The following DCLK1 variants were observed in gnomAD, a reference collection of about 807,000 sequenced individuals.
DCLK1 encodes the protein doublecortin like kinase 1, also known as serine/threonine-protein kinase DCLK1.
In DCLK1, 16 loss-of-function variants were observed where a neutral mutation model predicts 86.2. The ratio of observed to expected loss-of-function variants is 0.19; its 90% CI spans 0.13 to 0.28. The LOEUF (loss-of-function observed/expected upper bound fraction) is 0.28, where lower values mean the gene tolerates loss of function less well. Ranked by LOEUF, DCLK1 falls within the 10% of genes least tolerant of loss-of-function variation. The probability of loss-of-function intolerance (pLI) is 1.00; values close to 1 mark genes in which losing one functional copy is unlikely to be tolerated. For missense variants in DCLK1, 590 were observed against 940.2 expected (o/e 0.63, Z 4.87); for synonymous variants, 369 against 370.5 (o/e 1.00, Z 0.05).
intron 6 of DCLK1, chr13:35,849,160 T>C (rs1870425553): frequency 9.1e-6 from 9 of 985,354 alleles, no homozygotes; most frequent in Non-Finnish European, 1.1e-5. Context: ...TTTTTTCTTC[T>C]TCCTCTTCTT....
intron 3 of DCLK1, among the ~76,000 whole-genome samples, chr13:35,960,545 A>G (rs1274706185): frequency 6.6e-6 from 1 of 152,096 alleles, no homozygotes; most frequent in African/African-American, 2.4e-5. Flanking sequence ...GACTGCCTCA[A>G]CCTCCTGGGC....
chr13:36,090,155 A>T (rs1394068201), intron 3 of DCLK1, among the ~76,000 whole-genome samples: 3 of 152,242 alleles, frequency 2.0e-5, no homozygotes, highest in Non-Finnish European at 2.9e-5. Context: ...AAGGAAAGTT[A>T]TTTGACATTT....
intron 4 of DCLK1, among the ~76,000 whole-genome samples, chr13:35,899,444 A>G (rs1874217533): frequency 6.6e-6 from 1 of 151,932 alleles, no homozygotes; most frequent in Non-Finnish European, 1.5e-5. Flanking sequence ...AAGGGAGGCT[A>G]TCAGCCATGA....
At chr13:36,070,409 G>A (rs1566668620) in intron 3 of DCLK1, among the ~76,000 whole-genome samples, 1 of 152,142 alleles carries the variant, frequency 6.6e-6, no homozygotes, top group Non-Finnish European at 1.5e-5. Context: ...TGTAAAGGGT[G>A]ACCAAGAGGA....
At chr13:36,095,139 G>A (rs1050439679) in intron 3 of DCLK1, among the ~76,000 whole-genome samples, 1 of 150,566 alleles carries the variant, frequency 6.6e-6, no homozygotes, top group Non-Finnish European at 1.5e-5. Context: ...GTGGCAGAAT[G>A]TATCCTCTGA....
intron 4 of DCLK1, among the ~76,000 whole-genome samples, chr13:35,933,083 T>C (rs140058144): frequency 6.6e-6 from 1 of 152,346 alleles, no homozygotes; most frequent in East Asian, 1.9e-4. Flanking sequence ...CAAGAGGGCC[T>C]ATGCAAGTCC....
At chr13:35,807,835 G>C (rs891009935) in intron 14 of DCLK1, among the ~76,000 whole-genome samples, 6 of 152,182 alleles carry the variant, frequency 3.9e-5, no homozygotes. Flanking sequence ...GATGCAATTG[G>C]AACCAGGATG....
At chr13:36,074,551 T>C (rs1273169207) in intron 3 of DCLK1, among the ~76,000 whole-genome samples, 1 of 143,116 alleles carries the variant, frequency 7.0e-6, no homozygotes, top group Admixed American at 7.2e-5. Flanking sequence ...TGGGATCTTA[T>C]TATTGCAGAA....
chr13:35,965,795 A>G (rs1878704861), intron 3 of DCLK1, among the ~76,000 whole-genome samples: 2 of 152,010 alleles, frequency 1.3e-5, no homozygotes, highest in African/African-American at 4.8e-5. Flanking sequence ...TCTCTCTCTC[A>G]GCCGTTTTGT....
intron 6 of DCLK1, chr13:35,850,857 G>A: frequency 8.3e-7 from 1 of 1,209,302 alleles, no homozygotes; most frequent in Non-Finnish European, 1.1e-6. Context: ...AGCACTGAAT[G>A]GGCATCCCCA....
At chr13:35,953,677 T>G (rs1444957203) in intron 3 of DCLK1, among the ~76,000 whole-genome samples, 1 of 152,148 alleles carries the variant, frequency 6.6e-6, no homozygotes, top group Non-Finnish European at 1.5e-5. Flanking sequence ...AGGGCAGAGA[T>G]TCAAACAAAG....
intron 11 of DCLK1, among the ~76,000 whole-genome samples, chr13:35,812,297 G>T (rs775429331): frequency 6.8e-6 from 1 of 148,068 alleles, no homozygotes; most frequent in Non-Finnish European, 1.5e-5. Flanking sequence ...ACAGTAAAAG[G>T]CTAGTAATTC....
In DCLK1 at chr13:35,897,310, T is replaced by C. The variant is rs79702251; in HGVS notation, c.824-25970A>G. Among the ~76,000 whole-genome samples the C allele has an allele frequency of 1.1e-4, 16 of 152,132 alleles. No homozygotes were observed. In the East Asian group the frequency reaches 2.3e-3, roughly 22 times the overall value. On this transcript the variant is annotated intron_variant, in intron 4 of 16. Coordinates refer to ENST00000360631, the MANE Select transcript of DCLK1 (RefSeq NM_001330071.2). ...GAGGATGGAGCTGAGGAGTGCAAGG[T>C]TGCAGGCAAGGAAACCAGACAGGGG...
At chr13:35,896,213 C>G (rs904027026) in intron 4 of DCLK1, among the ~76,000 whole-genome samples, 1 of 152,006 alleles carries the variant, frequency 6.6e-6, no homozygotes, top group African/African-American at 2.4e-5. Flanking sequence ...TATAGAACAA[C>G]AAAGAAAAGT....
chr13:35,867,249 A>G (rs1296039920), intron 5 of DCLK1, among the ~76,000 whole-genome samples: 1 of 152,236 alleles, frequency 6.6e-6, no homozygotes, highest in Non-Finnish European at 1.5e-5. Context: ...TATCTCTTCC[A>G]GGTCAAAATG....
At chr13:36,021,697 C>G (rs75137220) in intron 3 of DCLK1, among the ~76,000 whole-genome samples, 1 of 151,872 alleles carries the variant, frequency 6.6e-6, no homozygotes, top group African/African-American at 2.4e-5. Flanking sequence ...CAAGAAGATA[C>G]GGTAATTAAG....
chr13:36,030,484 T>G (rs1882227040), intron 3 of DCLK1, among the ~76,000 whole-genome samples: 1 of 146,244 alleles, frequency 6.8e-6, no homozygotes, highest in African/African-American at 2.5e-5. Context: ...TTTTTTTTTT[T>G]TTAGTAGAGA....
At chr13:35,870,168 G>A (rs1184692610) in intron 5 of DCLK1, among the ~76,000 whole-genome samples, 1 of 152,346 alleles carries the variant, frequency 6.6e-6, no homozygotes, top group East Asian at 1.9e-4. Context: ...TGCAGGCCAT[G>A]CTGTGGGAAG....
At chr13:36,067,722 A>C (rs187970064) in intron 3 of DCLK1, among the ~76,000 whole-genome samples, 3 of 152,218 alleles carry the variant, frequency 2.0e-5, no homozygotes, top group Non-Finnish European at 4.4e-5. Flanking sequence ...GAGGACAATC[A>C]TGCTGCCACT....
Sources: gnomAD v4.1 joint callset for allele counts (sites outside exome capture counted in the v4.1 genomes callset) on GRCh38, gnomAD v4.1.1 for gene constraint, MANE v1.5 for transcripts, NCBI Gene and HGNC (gene_info 2026-07-23, HGNC 2026-07-21) for gene names.